RIOK1: variants seen among roughly 807,000 people sequenced by gnomAD.
RIOK1 encodes serine/threonine-protein kinase RIO1.
In RIOK1, 66 loss-of-function variants were observed where a neutral mutation model predicts 73.5. That is an observed-to-expected ratio of 0.90 (90% CI 0.74 to 1.10). The LOEUF (loss-of-function observed/expected upper bound fraction) is 1.10. Among genes scored for constraint, RIOK1 ranks in the 50% least tolerant of loss-of-function variants. The pLI is 0.00. For missense variants in RIOK1, 658 were observed against 699.8 expected (o/e 0.94, Z 0.67); for synonymous variants, 224 against 226.8 (o/e 0.99, Z 0.11).
intron 12 of RIOK1, among the ~76,000 whole-genome samples, chr6:7,409,213 T>TTGTGTGTGTG (rs58234662): frequency 5.7e-5 from 5 of 88,234 alleles, no homozygotes; most frequent in South Asian, 4.8e-4. Flanking sequence ...TCCCGACTAA[T>TTGTGTGTGTG]TGTGTGTGTG....
At chr6:7,405,130 G>A in intron 11 of RIOK1, 109 bp downstream of exon 11, 5 of 1,081,028 alleles carry the variant, frequency 4.6e-6, no homozygotes, top group Non-Finnish European at 7.0e-6. Flanking sequence ...GTGCAGTGAT[G>A]CTTAAACCAT....
At chr6:7,413,225 GGTC>G (rs1761928110) in intron 15 of RIOK1, among the ~76,000 whole-genome samples, 1 of 152,038 alleles carries the variant, frequency 6.6e-6, no homozygotes, top group African/African-American at 2.4e-5. Flanking sequence ...TTTGTATCCT[GGTC>G]GTCATTTGTG....
chr6:7,407,969 C>G (rs1395698108), intron 12 of RIOK1, among the ~76,000 whole-genome samples: 1 of 152,206 alleles, frequency 6.6e-6, no homozygotes, highest in Non-Finnish European at 1.5e-5. Context: ...TCCAGTTTAT[C>G]TATTTTTATT....
At chr6:7,411,941 T>G (rs1408771681) in intron 14 of RIOK1, among the ~76,000 whole-genome samples, 1 of 152,256 alleles carries the variant, frequency 6.6e-6, no homozygotes, top group Non-Finnish European at 1.5e-5. Context: ...AATACACTTT[T>G]GTGTAATACA....
Position 7,400,963 on chromosome 6 carries a change from G to T in RIOK1, c.486G>T (p.Leu162Phe). ...ATTTTTGCATTTCTTTTTAGGTGTT[G>T]GATCCCAGAACAAGAATGATTTTAT... ...KADRATVEQV[L>F]DPRTRMILFK... is the part of the protein sequence containing the mutation. The change falls in exon 6 of 17, where the codon TTG (leucine) becomes TTT (phenylalanine). Residue 162 changes from leucine to phenylalanine, a missense_variant. Leu to Phe is a conservative substitution (Grantham distance 22). Transcript: ENST00000379834. 1 of 1,600,742 alleles carries T rather than the reference G, an allele frequency of 6.2e-7. No homozygotes were observed. The highest frequency in any genetic ancestry group is 1.1e-5 in the South Asian group (1 of 88,704).
intron 3 of RIOK1, among the ~76,000 whole-genome samples, chr6:7,396,309 C>T (rs1387976075): frequency 6.6e-6 from 1 of 152,144 alleles, no homozygotes; most frequent in African/African-American, 2.4e-5. Context: ...ATTTTAGGGC[C>T]TTCTTTGCCT....
chr6:7,417,610 T>G lies in RIOK1; in HGVS notation c.*169T>G. ...TGTAACTATGTAAAAAGCTCTAAGC[T>G]CTAGAGTCTAGATCCAGTCACTGAC... On this transcript the variant is annotated 3_prime_UTR_variant, in exon 17 of 17. Transcript: ENST00000379834. The G allele has an allele frequency of 2.2e-6, 1 of 450,278 alleles. No individual in the cohort carries two copies. Among genetic ancestry groups the G allele is most frequent in the Non-Finnish European group, 4.1e-6 (1 of 246,292 alleles). 27.9% of individuals were successfully genotyped at this position (450,278 alleles called of 1,614,324 possible).
At chr6:7,396,892 G>GGTGTGTGT (rs150425917) in intron 4 of RIOK1, 120 bp downstream of exon 4, 40,486 of 414,972 alleles carry the variant, frequency 0.098, 1,407 homozygotes, top group East Asian at 0.24. Context: ...TCATTATTTT[G>GGTGTGTGT]GTGTGTGTGT....
rs539972334 is a variant in RIOK1 at position 7,398,007 on chromosome 6, C to T, written c.438-691C>T. Among the ~76,000 whole-genome samples the T allele has an allele frequency of 2.6e-5, 4 of 152,104 alleles. No individual in the cohort carries two copies. The East Asian group carries it at 5.8e-4, about 22-fold the overall frequency. ...ATACAAAAAAATTAGCCGGGCTTGG[C>T]GGCGGGCGCCTGTAGTCCCAGCTAC... On this transcript the variant is annotated intron_variant, in intron 4 of 16. Transcript: ENST00000379834.
At position 7,393,128 on chromosome 6, in the gene RIOK1, A is replaced by G; in HGVS notation, c.101A>G (p.Glu34Gly). The G allele has an allele frequency of 6.2e-7, 1 of 1,613,964 alleles. No individual in the cohort carries two copies. Among genetic ancestry groups the G allele is most frequent in the Non-Finnish European group, 8.5e-7 (1 of 1,179,864 alleles). The change falls in exon 2 of 17, where the codon GAG becomes GGG. Residue 34 changes from glutamate (E) to glycine (G), a missense_variant. Transcript: ENST00000379834. ...AACAGAGACTTGAAGACAGTCAAAG[A>G]GAAGGATGACATTCTGTTTGAAGAC... The part of the protein sequence containing the change: ...SENRDLKTVK[E>G]KDDILFEDLQ...
At chr6:7,413,057 A>G in intron 15 of RIOK1, 115 bp downstream of exon 15, 1 of 523,176 alleles carries the variant, frequency 1.9e-6, no homozygotes, top group Non-Finnish European at 3.2e-6. Flanking sequence ...ATGTTATTTT[A>G]TATTGTTAAA....
rs571154060 is a variant in RIOK1, at chr6:7,404,109, TC to T, written c.854+85del. 6.9e-3 allele frequency: 6,555 copies of T among 953,298 alleles called. 39 individuals carry two copies. The highest frequency in any genetic ancestry group is 0.011 in the South Asian group (826 of 74,828). 59.1% of individuals were successfully genotyped at this position (953,298 alleles called of 1,614,324 possible). A position where few individuals can be genotyped will look rare whatever the true frequency, so the allele number is the denominator to read the frequency against. ...TGAGTTTATCCACTATATGAATATT[TC>T]CCATTTGAATAACTTATTAATCTTT... On this transcript the variant is annotated intron_variant, in intron 9 of 16. Transcript: ENST00000379834.
rs1190621679 is a variant in RIOK1, at chr6:7,389,888, G to A, written c.-115G>A. 3 of 770,786 alleles carry A rather than the reference G, an allele frequency of 3.9e-6. No individual in the cohort carries two copies. Among genetic ancestry groups the A allele is most frequent in the Non-Finnish European group, 6.3e-6 (3 of 477,762 alleles). 47.7% of individuals were successfully genotyped at this position (770,786 alleles called of 1,614,324 possible). A position where few individuals can be genotyped will look rare whatever the true frequency, so the allele number is the denominator to read the frequency against. On this transcript the variant is annotated 5_prime_UTR_variant, in exon 1 of 17. Transcript: ENST00000379834. The stretch of plus-strand genomic sequence containing the variant: ...CACGTGGTGGCCACTGTTGGCTTCT[G>A]AATGGTTTGCAAGGCGGATATCCAC...
rs149650192 is a variant in RIOK1, at chr6:7,417,420, C to A, written c.1686C>A (p.Ala562=). The change falls in exon 17 of 17, where the codon GCC becomes GCA. Residue 562 remains alanine, a synonymous_variant. Coordinates refer to ENST00000379834, the MANE Select transcript of RIOK1 (RefSeq NM_031480.3). ...KHVKKRKEKT[A]KTKKGK is the part of the protein sequence containing the mutation. ...TGAAAAAAAGAAAGGAGAAGACAGC[C>A]AAGACGAAAAAAGGCAAATAGAATG... The A allele has an allele frequency of 1.7e-4, 264 of 1,555,860 alleles. 1 individual carries two copies. In the African/African-American group the frequency reaches 3.2e-3, roughly 19 times the overall value.
At chr6:7,394,207 G>T (rs746222553) in intron 2 of RIOK1, among the ~76,000 whole-genome samples, 1 of 152,228 alleles carries the variant, frequency 6.6e-6, no homozygotes, top group African/African-American at 2.4e-5. Context: ...GCCGAGCTGG[G>T]CGGATCACCT....
At chr6:7,408,684 C>T (rs1761809153) in intron 12 of RIOK1, among the ~76,000 whole-genome samples, 1 of 151,490 alleles carries the variant, frequency 6.6e-6, no homozygotes, top group Non-Finnish European at 1.5e-5. Context: ...CATTTTTATT[C>T]CTCAACTTTT....
Position 7,410,471 on chromosome 6 carries a change from C to G in RIOK1, c.1269+20C>G. 1 of 1,558,922 alleles carries G rather than the reference C, an allele frequency of 6.4e-7. No individual in the cohort carries two copies. The highest frequency in any genetic ancestry group is 8.8e-7 in the Non-Finnish European group (1 of 1,136,852). ...GAAGAGGTAGGATTTATTATCTATTCACAGCCTTTGGAAACACTTGTGTTT... is the reference window on the plus strand; with the variant it reads ...GAAGAGGTAGGATTTATTATCTATTGACAGCCTTTGGAAACACTTGTGTTT... On this transcript the variant is annotated intron_variant, in intron 13 of 16. Transcript: ENST00000379834.
chr6:7,406,006 T>C (rs1010442008), intron 12 of RIOK1, among the ~76,000 whole-genome samples: 3 of 151,736 alleles, frequency 2.0e-5, no homozygotes, highest in Non-Finnish European at 2.9e-5. Context: ...TTTCTTTTTT[T>C]TTCTTTTTTG....
chr6:7,411,786 G>A (rs939117855), intron 14 of RIOK1, among the ~76,000 whole-genome samples: 2 of 152,128 alleles, frequency 1.3e-5, no homozygotes, highest in South Asian at 4.1e-4. Context: ...TTTCTTTTTG[G>A]TGAAGGGTCA....
Sources: gnomAD v4.1 joint callset for allele counts (sites outside exome capture counted in the v4.1 genomes callset) on GRCh38, gnomAD v4.1.1 for gene constraint, MANE v1.5 for transcripts, NCBI Gene and HGNC (gene_info 2026-07-23, HGNC 2026-07-21) for gene names.